SMC1B: variants seen among roughly 807,000 people sequenced by gnomAD.
SMC1B encodes structural maintenance of chromosomes protein 1B.
SMC1B carries 60 observed loss-of-function variants against 157.9 expected under a neutral mutation model. The ratio of observed to expected loss-of-function variants is 0.38; its 90% CI spans 0.31 to 0.47. SMC1B has a LOEUF of 0.47. SMC1B is among the 20% of genes least tolerant of loss of function. The pLI is 0.99. For synonymous variants in SMC1B, 445 were observed against 483.0 expected, an observed-to-expected ratio of 0.92 and a Z score of 1.03; for missense variants, 1,165 against 1,426.2, an observed-to-expected ratio of 0.82 and a Z score of 2.95.
rs9626316 is a variant in SMC1B at position 45,372,005 on chromosome 22, T to C, written c.2196+150A>G. The stretch of plus-strand genomic sequence containing the variant: ...TTGCAGCGAACAGAAATAAAGCCAC[T>C]GCACTCCAGCCTGGGTGACAGAGTG... On this transcript the variant is annotated intron_variant, in intron 13 of 24. Coordinates refer to ENST00000357450, the MANE Select transcript of SMC1B (RefSeq NM_148674.5). The C allele has an allele frequency of 3.5e-3, 2,159 of 613,510 alleles. 34 individuals are homozygous for C. In the African/African-American group the frequency reaches 0.038, roughly 11 times the overall value. The allele number at this position is 613,510 out of a possible 1,614,324, so 38.0% of individuals were successfully genotyped here.
chr22:45,389,989 A>G, intron 9 of SMC1B, 92 bp from the exon 10 acceptor site: 1 of 1,062,634 alleles, frequency 9.4e-7, no homozygotes, highest in East Asian at 2.5e-5. Context: ...TAGCGCAGAC[A>G]AAAACTAATT....
chr22:45,402,581 A>G lies in SMC1B; in HGVS notation c.616-10T>C. ...TCTGGTAACGTTCTGCCTATAAAAGAGTATAATTCAACAGCAGTTAAAAGG... is the reference window on the plus strand; with the variant it reads ...TCTGGTAACGTTCTGCCTATAAAAGGGTATAATTCAACAGCAGTTAAAAGG... On this transcript the variant is annotated splice_polypyrimidine_tract_variant and intron_variant, in intron 4 of 24. Coordinates refer to ENST00000357450, the MANE Select transcript of SMC1B (RefSeq NM_148674.5). The G allele has an allele frequency of 1.9e-6, 3 of 1,594,650 alleles. No individual in the cohort carries two copies. The highest frequency in any genetic ancestry group is 2.6e-6 in the Non-Finnish European group (3 of 1,165,886).
chr22:45,378,417 T>C (rs1316885257), intron 12 of SMC1B, among the ~76,000 whole-genome samples: 6 of 152,218 alleles, frequency 3.9e-5, no homozygotes, highest in Admixed American at 1.3e-4. Context: ...CATAAATGTT[T>C]AACAGATATT....
chr22:45,402,074 G>A (rs4605479), intron 5 of SMC1B, among the ~76,000 whole-genome samples: 15,851 of 151,988 alleles, frequency 0.1, 1,021 homozygotes, highest in South Asian at 0.2. Context: ...TAGTAGAGAC[G>A]GGGTTTCACC....
At chr22:45,353,923 A>AAAAAAAAAACC in intron 21 of SMC1B, 55 bp downstream of exon 21, 1 of 1,036,894 alleles carries the variant, frequency 9.6e-7, no homozygotes, top group Non-Finnish European at 1.4e-6. Context: ...AAAAAAAACA[A>AAAAAAAAAACC]CCACCACCGG....
At chr22:45,408,932 C>A in intron 1 of SMC1B, 34 bp from the exon 2 acceptor site, 1 of 1,346,784 alleles carries the variant, frequency 7.4e-7, no homozygotes, top group Non-Finnish European at 1.0e-6. Flanking sequence ...ATTATTCATT[C>A]TTAATGATAA....
In SMC1B at chr22:45,399,294, G is replaced by A. The variant is rs918833953; in HGVS notation, c.914C>T (p.Thr305Ile). The A allele has an allele frequency of 3.7e-6, 6 of 1,613,778 alleles. No individual in the cohort carries two copies. In the Admixed American group the frequency reaches 6.7e-5, roughly 18 times the overall value. Residue 305 changes from threonine (T) to isoleucine (I), a missense_variant, in exon 6 of 25, where the codon ACT becomes ATT. Coordinates refer to ENST00000357450, the MANE Select transcript of SMC1B (RefSeq NM_148674.5). ...ATCTAATTTCTTAAGGTGGTGAGAA[G>A]TGTTTTCTTTGGCTTTAATGTACTG... ...RPQYIKAKEN[T>I]SHHLKKLDVA...
rs10694878 is a variant in SMC1B, at chr22:45,386,573, AAACAACAAC to A, written c.1911+285_1911+293del. Among the ~76,000 whole-genome samples, 163 of 150,992 alleles carry A rather than the reference AAACAACAAC, an allele frequency of 1.1e-3. No individual in the cohort carries two copies. The South Asian group carries it at 0.011, about 10-fold the overall frequency. On this transcript the variant is annotated intron_variant, in intron 11 of 24. Transcript: ENST00000357450. Reference sequence around the variant, plus strand: ...ATATCCAGGGTCCATATAAGGTTTAAAACAACAACAACAACAACAACAACTAACTGCTTT... The same window carrying A: ...ATATCCAGGGTCCATATAAGGTTTAAAACAACAACAACAACTAACTGCTTT...
At chr22:45,409,573 T>C (rs2087304889) in intron 1 of SMC1B, among the ~76,000 whole-genome samples, 1 of 70,930 alleles carries the variant, frequency 1.4e-5, no homozygotes. Flanking sequence ...TCTAAATAAA[T>C]AAATAAATAA....
intron 12 of SMC1B, among the ~76,000 whole-genome samples, chr22:45,373,365 A>G (rs136575): frequency 0.62 from 94,894 of 152,148 alleles, 32,078 homozygotes; most frequent in African/African-American, 0.89. Flanking sequence ...CAGATGTGCC[A>G]ATACCATTTA....
intron 12 of SMC1B, among the ~76,000 whole-genome samples, chr22:45,372,870 G>A (rs1391656880): frequency 6.6e-6 from 1 of 151,908 alleles, no homozygotes; most frequent in African/African-American, 2.4e-5. Flanking sequence ...CCGCCAGCAG[G>A]CCCAGCTAAT....
chr22:45,353,714 A>C (rs2086637515), intron 21 of SMC1B, among the ~76,000 whole-genome samples: 1 of 151,962 alleles, frequency 6.6e-6, no homozygotes, highest in Admixed American at 6.6e-5. Flanking sequence ...AAACAAAATG[A>C]TTTAGTCCAT....
chr22:45,408,260 G>T (rs1207436102), intron 2 of SMC1B, among the ~76,000 whole-genome samples: 1 of 152,084 alleles, frequency 6.6e-6, no homozygotes, highest in African/African-American at 2.4e-5. Flanking sequence ...CGAGTAGCTG[G>T]GACTACAGGT....
chr22:45,381,882 T>C (rs2086940405), intron 12 of SMC1B, among the ~76,000 whole-genome samples: 1 of 152,172 alleles, frequency 6.6e-6, no homozygotes, highest in South Asian at 2.1e-4. Flanking sequence ...AAATATATGC[T>C]TGAATCAACC....
intron 1 of SMC1B, 50 bp downstream of exon 1, chr22:45,413,409 C>A (rs2087377886): frequency 2.1e-6 from 3 of 1,444,154 alleles, no homozygotes; most frequent in Admixed American, 4.1e-5. Flanking sequence ...GTGGCCTGGA[C>A]GCCTGGGACG....
chr22:45,405,526 T>C (rs922836787), intron 4 of SMC1B, among the ~76,000 whole-genome samples: 21 of 150,612 alleles, frequency 1.4e-4, no homozygotes, highest in Non-Finnish European at 1.8e-4. Flanking sequence ...CACTCCAGCC[T>C]GGGGAAAAAA....
intron 7 of SMC1B, 57 bp downstream of exon 7, chr22:45,396,272 TGGAGACAGGTACAAAAA>T (rs1469326861): frequency 7.5e-7 from 1 of 1,330,028 alleles, no homozygotes; most frequent in African/African-American, 1.5e-5. Flanking sequence ...AGATTCATTC[TGGAGACAGGTACAAAAA>T]GGAAATAAAA....
At chr22:45,410,468 C>T (rs2087319136) in intron 1 of SMC1B, among the ~76,000 whole-genome samples, 1 of 151,990 alleles carries the variant, frequency 6.6e-6, no homozygotes, top group Non-Finnish European at 1.5e-5. Flanking sequence ...TTTGGGAGGC[C>T]GAGGCAGGAA....
At chr22:45,386,473 A>G (rs187339615) in intron 11 of SMC1B, among the ~76,000 whole-genome samples, 19 of 152,254 alleles carry the variant, frequency 1.2e-4, no homozygotes, top group African/African-American at 3.8e-4. Context: ...TATCTCCACT[A>G]AAGTATGGAA....
Sources: allele counts gnomAD v4.1 joint callset (sites outside exome capture counted in the v4.1 genomes callset), GRCh38; gene constraint gnomAD v4.1.1; transcripts MANE v1.5; gene names NCBI Gene and HGNC (gene_info 2026-07-23, HGNC 2026-07-21).